LINGO2: variants seen among roughly 807,000 people sequenced by gnomAD.
LINGO2 encodes the protein leucine rich repeat and Ig domain containing 2, also known as leucine-rich repeat and immunoglobulin-like domain-containing nogo receptor-interacting protein 2.
A neutral mutation model predicts 30.6 loss-of-function variants in LINGO2; 14 were observed. The ratio of observed to expected loss-of-function variants is 0.46; its 90% CI spans 0.30 to 0.72. LINGO2 has a LOEUF of 0.72. LINGO2 is among the 30% of genes least tolerant of loss of function. The pLI is 0.07. For synonymous variants in LINGO2, 317 were observed against 288.5 expected, an observed-to-expected ratio of 1.10 and a Z score of -1.00; for missense variants, 729 against 751.7, an observed-to-expected ratio of 0.97 and a Z score of 0.35.
At chr9:28,007,624 T>C (rs1209733972) in intron 5 of LINGO2, among the ~76,000 whole-genome samples, 4 of 152,138 alleles carry the variant, frequency 2.6e-5, no homozygotes, top group African/African-American at 7.2e-5. Context: ...AAACAAAACA[T>C]TGGAGAAAAT....
the LINGO2 span, among the ~76,000 whole-genome samples, chr9:28,794,499 T>C: frequency 3.9e-5 from 6 of 152,186 alleles, no homozygotes; most frequent in Admixed American, 3.9e-4. Flanking sequence ...AATGATTTTA[T>C]TTTTAATTGC....
intron 4 of LINGO2, among the ~76,000 whole-genome samples, chr9:28,018,654 A>G (rs922731489): frequency 6.6e-5 from 10 of 152,138 alleles, no homozygotes; most frequent in Non-Finnish European, 1.2e-4. Context: ...ACCATCTCAC[A>G]TCAGTCAGAA....
chr9:29,047,834 C>T, the LINGO2 span, among the ~76,000 whole-genome samples: 1 of 152,146 alleles, frequency 6.6e-6, no homozygotes, highest in Non-Finnish European at 1.5e-5. Flanking sequence ...GGTGTGGTGG[C>T]TCATGCCCAT....
At chr9:28,009,658 A>G (rs191498812) in intron 5 of LINGO2, among the ~76,000 whole-genome samples, 8 of 152,322 alleles carry the variant, frequency 5.3e-5, no homozygotes, top group Admixed American at 3.9e-4. Context: ...CGAAGCCACA[A>G]TGAAATACTA....
intron 1 of LINGO2, among the ~76,000 whole-genome samples, chr9:28,476,897 T>C (rs1056839990): frequency 4.6e-5 from 7 of 152,228 alleles, no homozygotes; most frequent in Non-Finnish European, 1.0e-4. Flanking sequence ...AACTGGAATC[T>C]GCTTTTGGAA....
At chr9:28,651,649 C>T (rs943510041) in intron 1 of LINGO2, among the ~76,000 whole-genome samples, 2 of 151,832 alleles carry the variant, frequency 1.3e-5, no homozygotes, top group African/African-American at 4.8e-5. Context: ...TATTAATGTA[C>T]TATGTTTTAG....
chr9:28,413,437 A>C (rs1822847701), intron 2 of LINGO2, among the ~76,000 whole-genome samples: 1 of 152,086 alleles, frequency 6.6e-6, no homozygotes, highest in South Asian at 2.1e-4. Context: ...AACCACATGC[A>C]AACGTAATTA....
chr9:28,510,754 C>A (rs913094282), intron 1 of LINGO2, among the ~76,000 whole-genome samples: 2 of 151,500 alleles, frequency 1.3e-5, no homozygotes, highest in African/African-American at 4.9e-5. Flanking sequence ...TCTAGAGGGA[C>A]CTTGACTATA....
At chr9:28,363,460 AT>A (rs1381634835) in intron 3 of LINGO2, among the ~76,000 whole-genome samples, 1 of 152,200 alleles carries the variant, frequency 6.6e-6, no homozygotes, top group African/African-American at 2.4e-5. Flanking sequence ...TCTCTAACTT[AT>A]CTTTGGCCCC....
At chr9:29,149,299 G>A in the LINGO2 span, among the ~76,000 whole-genome samples, 1 of 151,662 alleles carries the variant, frequency 6.6e-6, no homozygotes, top group Non-Finnish European at 1.5e-5. Flanking sequence ...GACCAGCCTG[G>A]GCAACACTGC....
chr9:28,510,608 T>G (rs1345680349), intron 1 of LINGO2, among the ~76,000 whole-genome samples: 1 of 151,618 alleles, frequency 6.6e-6, no homozygotes, highest in African/African-American at 2.4e-5. Context: ...CAGTGAAACT[T>G]TTATTGAAAA....
chr9:29,156,455 T>C, the LINGO2 span, among the ~76,000 whole-genome samples: 2 of 152,054 alleles, frequency 1.3e-5, no homozygotes, highest in South Asian at 4.1e-4. Context: ...ATAAAACAAA[T>C]GGTTTTCATT....
chr9:29,011,604 A>G, the LINGO2 span, among the ~76,000 whole-genome samples: 17 of 152,280 alleles, frequency 1.1e-4, no homozygotes, highest in South Asian at 2.5e-3. Flanking sequence ...AGGCATTATC[A>G]ATTTCGCAAA....
At position 28,179,328 on chromosome 9, in the gene LINGO2, G is replaced by GTA. The variant is rs772393017; in HGVS notation, c.-87+115878_-87+115879dup. ...TTATACTATATATACTATACTATAT[G>GTA]TATATATATACTATACTTTATGTAT... is the stretch of plus-strand genomic sequence containing the variant. On this transcript the variant is annotated intron_variant, in intron 4 of 5. Transcript: ENST00000379992. Among the ~76,000 whole-genome samples the GTA allele has an allele frequency of 4.0e-4, 56 of 140,054 alleles. 1 individual carries two copies. The highest frequency in any genetic ancestry group is 1.4e-3 in the African/African-American group (54 of 38,126). 91.9% of individuals were successfully genotyped at this position (140,054 alleles called of 152,430 possible).
At chr9:28,059,322 G>A (rs531528489) in intron 4 of LINGO2, among the ~76,000 whole-genome samples, 3 of 152,106 alleles carry the variant, frequency 2.0e-5, no homozygotes, top group African/African-American at 7.2e-5. Context: ...CCCAGAGCTC[G>A]GGGCCTTCAC....
chr9:28,267,913 G>T (rs776132309), intron 4 of LINGO2, among the ~76,000 whole-genome samples: 1 of 151,872 alleles, frequency 6.6e-6, no homozygotes, highest in African/African-American at 2.4e-5. Context: ...TTAATCTCTC[G>T]GAGCCTTAGT....
At chr9:28,498,793 T>A (rs1819765826) in intron 1 of LINGO2, among the ~76,000 whole-genome samples, 1 of 152,118 alleles carries the variant, frequency 6.6e-6, no homozygotes, top group Admixed American at 6.6e-5. Flanking sequence ...TCGGCCATCT[T>A]GGAACCGCCC....
At chr9:28,019,319 G>GTTTTT (rs3064662) in intron 4 of LINGO2, among the ~76,000 whole-genome samples, 4 of 142,152 alleles carry the variant, frequency 2.8e-5, no homozygotes, top group African/African-American at 5.2e-5. Context: ...GGGAATATAT[G>GTTTTT]TTTTTTTTTT....
intron 2 of LINGO2, among the ~76,000 whole-genome samples, chr9:28,444,831 T>A (rs2135038059): frequency 6.6e-6 from 1 of 152,302 alleles, no homozygotes; most frequent in African/African-American, 2.4e-5. Context: ...TACATACCCC[T>A]TGCCACTCTG....
Sources: allele counts gnomAD v4.1 joint callset (sites outside exome capture counted in the v4.1 genomes callset), GRCh38; gene constraint gnomAD v4.1.1; transcripts MANE v1.5; gene names NCBI Gene and HGNC (gene_info 2026-07-23, HGNC 2026-07-21).